DHX34: variants seen among roughly 807,000 people sequenced by gnomAD.
DHX34 encodes the protein probable ATP-dependent RNA helicase DHX34.
In DHX34, 96 loss-of-function variants were observed where a neutral mutation model predicts 111.1. The observed-to-expected ratio is 0.86, with a 90% CI of 0.73 to 1.02. DHX34 has a LOEUF of 1.02. Ranked by LOEUF, DHX34 falls within the 50% of genes least tolerant of loss-of-function variation. The pLI is 0.00. For missense variants in DHX34, 1,560 were observed against 1,579.9 expected, an observed-to-expected ratio of 0.99 and a Z score of 0.21; for synonymous variants, 688 against 670.4, an observed-to-expected ratio of 1.03 and a Z score of -0.41.
chr19:47,380,651 A>G, intron 14 of DHX34, 165 bp from the exon 15 acceptor site: 4 of 985,344 alleles, frequency 4.1e-6, no homozygotes, highest in Non-Finnish European at 4.8e-6. Context: ...TATTCTAGAC[A>G]GACCCCTGGT....
chr19:47,377,915 C>T (rs541652973), intron 13 of DHX34, among the ~76,000 whole-genome samples: 1 of 152,266 alleles, frequency 6.6e-6, no homozygotes, highest in East Asian at 1.9e-4. Context: ...AGCCACTGCC[C>T]TGCCCCTAGT....
At position 47,376,486 on chromosome 19, in the gene DHX34, C is replaced by T. The variant is rs1171788625; in HGVS notation, c.2525C>T (p.Thr842Ile). 6.2e-7 allele frequency: 1 copy of T among 1,609,378 alleles called. No individual in the cohort carries two copies. Among genetic ancestry groups the T allele is most frequent in the Admixed American group, 1.7e-5 (1 of 59,526 alleles). The change falls in exon 12 of 17, where the codon ACC (threonine) becomes ATC (isoleucine). Residue 842 changes from threonine to isoleucine, a missense_variant. Coordinates refer to ENST00000328771, the MANE Select transcript of DHX34 (RefSeq NM_014681.6). The stretch of plus-strand genomic sequence containing the variant: ...AAGCAGGGCGCCGTGCTGCACCCCA[C>T]CTGCGTCTTCGCTGGCAGCCCCGAG... ...QAKQGAVLHP[T>I]CVFAGSPEVL...
chr19:47,376,336 G>T, intron 11 of DHX34, 107 bp from the exon 12 acceptor site: 1 of 1,538,588 alleles, frequency 6.5e-7, no homozygotes, highest in South Asian at 1.2e-5. Context: ...AGGAGTCAGG[G>T]AGGGCTTCCT....
chr19:47,379,650 G>A (rs1299607730), intron 13 of DHX34, 60 bp from the exon 14 acceptor site: 1 of 1,534,392 alleles, frequency 6.5e-7, no homozygotes, highest in Admixed American at 1.9e-5. Flanking sequence ...GGCAGGGCCT[G>A]TCTCCAATAG....
chr19:47,362,458 C>T lies in DHX34; in HGVS notation c.1376-18C>T, dbSNP rs756208168. ...GGCTGCCACACACAGACTCCCTTTCCTCATTGCTCCCATCCAGGAAAGGTG... is the reference window on the plus strand; with the variant it reads ...GGCTGCCACACACAGACTCCCTTTCTTCATTGCTCCCATCCAGGAAAGGTG... On this transcript the variant is annotated intron_variant, in intron 5 of 16. Transcript: ENST00000328771. 1.6e-5 allele frequency: 24 copies of T among 1,540,118 alleles called. No homozygotes were observed. The highest frequency in any genetic ancestry group is 1.9e-5 in the Non-Finnish European group (22 of 1,141,282).
chr19:47,378,072 GCTCCTGGGTCACACTGCCCC>G (rs1970227530), intron 13 of DHX34, among the ~76,000 whole-genome samples: 1 of 152,174 alleles, frequency 6.6e-6, no homozygotes, highest in Non-Finnish European at 1.5e-5. Flanking sequence ...CCAAGCCAGA[GCTCCTGGGTCACACTGCCCC>G]CTCCTGCCTC....
At chr19:47,372,042 TTCACCTGTCTCCA>T in intron 7 of DHX34, among the ~76,000 whole-genome samples, 1 of 150,318 alleles carries the variant, frequency 6.7e-6, no homozygotes, top group African/African-American at 2.4e-5. Flanking sequence ...GGAGACAGGG[TTCACCTGTCTCCA>T]GGTGAGACTC....
intron 7 of DHX34, among the ~76,000 whole-genome samples, chr19:47,369,803 G>T (rs1228312168): frequency 6.6e-6 from 1 of 152,150 alleles, no homozygotes; most frequent in Non-Finnish European, 1.5e-5. Context: ...GTGGAACTGG[G>T]TCCTAAGTGG....
At chr19:47,360,108 G>A in intron 5 of DHX34, 38 bp downstream of exon 5, 1 of 1,601,618 alleles carries the variant, frequency 6.2e-7, no homozygotes, top group Non-Finnish European at 8.6e-7. Flanking sequence ...CCACCCCCAA[G>A]GACTTAGGAG....
intron 13 of DHX34, among the ~76,000 whole-genome samples, chr19:47,377,932 C>T (rs1405433082): frequency 6.6e-6 from 1 of 152,116 alleles, no homozygotes; most frequent in Admixed American, 6.5e-5. Context: ...TAGTGCTCCT[C>T]GAGCGTCTTT....
chr19:47,377,012 T>C (rs574131463), intron 12 of DHX34, 88 bp from the exon 13 acceptor site: 49 of 1,600,922 alleles, frequency 3.1e-5, no homozygotes, highest in Admixed American at 3.4e-5. Flanking sequence ...TTTCTATCGA[T>C]GTGTACTTTG....
rs753543027 is a variant in DHX34, at chr19:47,376,454, G to A, written c.2493G>A (p.Thr831=). ...SRKDSDQIFH[T]QAKQGAVLHP... is the part of the protein sequence containing the mutation. ...TCTGTCCTCCGCAGATTTTCCACAC[G>A]CAGGCCAAGCAGGGCGCCGTGCTGC... is the stretch of plus-strand genomic sequence containing the variant. The change falls in exon 12 of 17, where the codon ACG becomes ACA. Residue 831 remains threonine (T), a synonymous_variant. Transcript: ENST00000328771. 13 of 1,611,240 alleles carry A rather than the reference G, an allele frequency of 8.1e-6. No homozygotes were observed. Among genetic ancestry groups the A allele is most frequent in the South Asian group, 2.2e-5 (2 of 90,572 alleles).
In DHX34 at chr19:47,355,253, T is replaced by C. The variant is rs1033372080; in HGVS notation, c.920T>C (p.Val307Ala). ...TTGCCCACGCGGCCTGACCTCAAGGTCATCCTCATGTCGGCCACCATCAAC... is the reference window on the plus strand; with the variant it reads ...TTGCCCACGCGGCCTGACCTCAAGGCCATCCTCATGTCGGCCACCATCAAC... ...RLLPTRPDLKVILMSATINIS... is the reference protein window; with the variant it reads ...RLLPTRPDLKAILMSATINIS... The change falls in exon 3 of 17, where the codon GTC (valine) becomes GCC (alanine). Residue 307 changes from valine to alanine, a missense_variant. Coordinates refer to ENST00000328771, the MANE Select transcript of DHX34 (RefSeq NM_014681.6). 10 of 1,614,014 alleles carry C rather than the reference T, an allele frequency of 6.2e-6. No individual in the cohort carries two copies. In the African/African-American group the frequency reaches 1.2e-4, roughly 19 times the overall value.
chr19:47,376,714 C>A, intron 12 of DHX34, 154 bp downstream of exon 12: 1 of 1,432,498 alleles, frequency 7.0e-7, no homozygotes, highest in Non-Finnish European at 9.3e-7. Context: ...CCAGGCCTCC[C>A]TGGGTAGCCT....
Position 47,381,228 on chromosome 19 carries a change from A to G in DHX34, c.3202A>G (p.Thr1068Ala). ...CAGCGACTGTCTCCGAACCTTCTGG[A>G]CCTGCCCCCACTGTGGCCTGCATGC... ...LYSDCLRTFW[T>A]CPHCGLHAPL... Residue 1068 changes from threonine (T) to alanine (A), a missense_variant, in exon 16 of 17, where the codon ACC (threonine) becomes GCC (alanine). Transcript: ENST00000328771. The G allele has an allele frequency of 6.2e-7, 1 of 1,614,050 alleles. No homozygotes were observed.
At chr19:47,369,071 T>C (rs1236194224) in intron 7 of DHX34, among the ~76,000 whole-genome samples, 1 of 151,972 alleles carries the variant, frequency 6.6e-6, no homozygotes, top group African/African-American at 2.4e-5. Context: ...AGAGACGGGG[T>C]TTCATCATGT....
intron 7 of DHX34, among the ~76,000 whole-genome samples, chr19:47,369,413 A>C (rs1246966395): frequency 6.6e-6 from 1 of 152,168 alleles, no homozygotes; most frequent in East Asian, 1.9e-4. Flanking sequence ...AACTGCTGGG[A>C]TTACAGGTGT....
At position 47,353,134 on chromosome 19, in the gene DHX34, C is replaced by T. The variant is rs754861045; in HGVS notation, c.104C>T (p.Thr35Met). The T allele has an allele frequency of 1.9e-5, 30 of 1,614,008 alleles. No homozygotes were observed. The highest frequency in any genetic ancestry group is 4.0e-5 in the African/African-American group (3 of 74,912). ...AAATGGGACTGGAATTGTCCAGAGA[C>T]GCGTCGCCTCTTGGAAGATGCCTTC... ...LEKWDWNCPE[T>M]RRLLEDAFFR... Residue 35 changes from threonine to methionine, a missense_variant, in exon 2 of 17, where the codon ACG (threonine) becomes ATG (methionine). Thr to Met is a moderately conservative substitution (Grantham distance 81). Coordinates refer to ENST00000328771, the MANE Select transcript of DHX34 (RefSeq NM_014681.6). The surrounding 1 kb of genome is among the most constrained non-coding windows in gnomAD (Gnocchi z 4.6).
In DHX34 at chr19:47,375,909, C is replaced by T. The variant is rs746725597; in HGVS notation, c.2308-15C>T. The T allele has an allele frequency of 6.3e-7, 1 of 1,594,064 alleles. No individual in the cohort carries two copies. Among genetic ancestry groups the T allele is most frequent in the African/African-American group, 1.4e-5 (1 of 73,626 alleles). On this transcript the variant is annotated splice_polypyrimidine_tract_variant and intron_variant, in intron 10 of 16. Coordinates refer to ENST00000328771, the MANE Select transcript of DHX34 (RefSeq NM_014681.6). ...TCAGGTCCCCTAAGACTCTGCCTCC[C>T]CGTGCTCCCCCCAGGATGTGAAGTT...
Sources: allele counts gnomAD v4.1 joint callset (sites outside exome capture counted in the v4.1 genomes callset), GRCh38; gene constraint gnomAD v4.1.1; non-coding constraint Gnocchi (gnomAD v3.1); transcripts MANE v1.5; gene names NCBI Gene and HGNC (gene_info 2026-07-23, HGNC 2026-07-21).